Variants in NBPF9 observed in about 807,000 individuals in gnomAD.
NBPF9 encodes NBPF family member NBPF9.
Under a neutral mutation model 97.8 loss-of-function variants are expected in NBPF9, and 91 were observed. That is an observed-to-expected ratio of 0.93 (90% CI 0.79 to 1.11). The LOEUF is 1.11. Ranked by LOEUF, NBPF9 falls within the 50% of genes least tolerant of loss-of-function variation. The pLI, the probability that NBPF9 is intolerant of heterozygous loss-of-function variation, is 0.00. For missense variants in NBPF9, 992 were observed against 939.5 expected, an observed-to-expected ratio of 1.06 and a Z score of -0.73; for synonymous variants, 334 against 359.5, an observed-to-expected ratio of 0.93 and a Z score of 0.80.
chr1:149,077,732 C>T (rs61809879), intron 10 of NBPF9, 151 bp downstream of exon 10: 5 of 922,072 alleles, frequency 5.4e-6, no homozygotes, highest in East Asian at 4.9e-5. Context: ...ACGACAGCTG[C>T]CGCACCCTGT....
chr1:149,080,604 C>T (rs1160154251), intron 7 of NBPF9, among the ~76,000 whole-genome samples: 1 of 150,900 alleles, frequency 6.6e-6, no homozygotes, highest in Non-Finnish European at 1.5e-5. Context: ...ATGTCAAGGA[C>T]TTTAAAAATA....
At chr1:149,076,024 G>A (rs2079836327) in intron 11 of NBPF9, among the ~76,000 whole-genome samples, 160 bp from the exon 12 acceptor site, 1 of 151,944 alleles carries the variant, frequency 6.6e-6, no homozygotes, top group Non-Finnish European at 1.5e-5. Flanking sequence ...TCTCCTTTAA[G>A]TCAACTTGTC....
Position 149,072,933 on chromosome 1 carries a change from C to T in NBPF9, c.1092-1G>A. ...AGCGTGAACCAGGACTTTATATTGC[C>T]TAAGGTGAGATGGTAGAGAAAAATT... On this transcript the variant is annotated splice_acceptor_variant, in intron 13 of 29. Transcript: ENST00000584027. LOFTEE classifies it high-confidence loss of function. 6.2e-7 allele frequency: 1 copy of T among 1,606,748 alleles called. No homozygotes were observed. The highest frequency in any genetic ancestry group is 8.5e-7 in the Non-Finnish European group (1 of 1,175,718).
At chr1:149,077,783 A>T in intron 10 of NBPF9, 100 bp downstream of exon 10, 1 of 1,524,602 alleles carries the variant, frequency 6.6e-7, no homozygotes, top group East Asian at 2.3e-5. Flanking sequence ...GGCCAAGGGG[A>T]TGCGGGCTTT....
chr1:149,102,875 C>T (rs1164124304), intron 1 of NBPF9, 28 bp from the exon 2 acceptor site: 4 of 151,604 alleles, frequency 2.6e-5, no homozygotes, highest in Admixed American at 6.6e-5. Context: ...AGCAGAATCC[C>T]GGAGGCCAAT....
intron 12 of NBPF9, among the ~76,000 whole-genome samples, chr1:149,074,435 C>T (rs201463327): frequency 6.6e-6 from 1 of 151,412 alleles, no homozygotes; most frequent in Non-Finnish European, 1.5e-5. Context: ...TGCCCAAATG[C>T]TAATAAAGTT....
chr1:149,080,584 A>G (rs1305739252), intron 7 of NBPF9, among the ~76,000 whole-genome samples: 5 of 151,356 alleles, frequency 3.3e-5, no homozygotes, highest in African/African-American at 1.2e-4. Context: ...TGGGTATTTC[A>G]AGGACAAATA....
exon 21 of NBPF9, chr1:149,062,908 C>T (rs782800851): frequency 2.1e-5 from 17 of 822,512 alleles, no homozygotes; most frequent in Non-Finnish European, 3.6e-5. Flanking sequence ...TGGTACTTTT[C>T]AATTTCTGCA....
intron 4 of NBPF9, among the ~76,000 whole-genome samples, chr1:149,094,881 C>T (rs1218859378): frequency 6.9e-6 from 1 of 145,228 alleles, no homozygotes; most frequent in Non-Finnish European, 1.5e-5. Context: ...GGGAGGAGCA[C>T]TTAAATGATA....
rs1385019773 is a variant in NBPF9 at position 149,079,118 on chromosome 1, G to A, written c.382C>T (p.Gln128Ter). The A allele has an allele frequency of 4.7e-6, 6 of 1,267,624 alleles. No individual in the cohort carries two copies. The highest frequency in any genetic ancestry group is 4.6e-6 in the Non-Finnish European group (4 of 872,000). The allele number at this position is 1,267,624 out of a possible 1,614,324, so 78.5% of individuals were successfully genotyped here. ...GGCTCATCCGGAGTGAGGAGGGCCT[G>A]GAGATGCTCATTCAATGAGCGGGAG... The change falls in exon 9 of 30, where the codon CAG (glutamine) becomes TAG (stop). Residue 128 changes from glutamine (Q) to a stop codon, truncating the protein, a stop_gained. Coordinates refer to ENST00000584027, the Ensembl canonical transcript of NBPF9. LOFTEE classifies it high-confidence loss of function.
At chr1:149,054,892 A>C (rs1427324015) in exon 30 of NBPF9, 1 of 150,920 alleles carries the variant, frequency 6.6e-6, no homozygotes, top group East Asian at 2.0e-4. Flanking sequence ...ATTACCTCCT[A>C]TGAAACTCAG....
chr1:149,082,228 A>C lies in NBPF9; in HGVS notation c.-36+44T>G, dbSNP rs1325475132. 151 of 1,321,106 alleles carry C rather than the reference A, an allele frequency of 1.1e-4. 2 individuals carry two copies. The Middle Eastern group carries it at 1.3e-3, about 11-fold the overall frequency. 81.8% of individuals were successfully genotyped at this position (1,321,106 alleles called of 1,614,324 possible). A position where few individuals can be genotyped will look rare whatever the true frequency, so the allele number is the denominator to read the frequency against. ...GGGTTAAAAACTGGTGAAATCAAAT[A>C]GGTTTAATCAGGACTGAGGGATGTC... On this transcript the variant is annotated intron_variant, in intron 6 of 29. Transcript: ENST00000584027.
chr1:149,089,822 T>C (rs1338882729), intron 5 of NBPF9, among the ~76,000 whole-genome samples: 1 of 152,290 alleles, frequency 6.6e-6, no homozygotes, highest in Non-Finnish European at 1.5e-5. Flanking sequence ...TTGGGGCTGG[T>C]ACAGCCTCGC....
intron 10 of NBPF9, among the ~76,000 whole-genome samples, chr1:149,077,627 G>A (rs1190776964): frequency 1.4e-4 from 21 of 152,112 alleles, no homozygotes; most frequent in African/African-American, 4.6e-4. Context: ...AGAGCAGCTG[G>A]TGTTCAGTGC....
rs1383523844 is a variant in NBPF9, at chr1:149,067,600, G to A, written c.1638-1911C>T. 9.4e-4 allele frequency among the ~76,000 whole-genome samples: 142 copies of A among 150,814 alleles called. 2 individuals are homozygous for A. In the East Asian group the frequency reaches 0.028, roughly 29 times the overall value. On this transcript the variant is annotated intron_variant, in intron 17 of 29. Coordinates refer to ENST00000584027, the Ensembl canonical transcript of NBPF9. ...CTTGCAATAGTTTGCTGAGAATGAT[G>A]GTTTCCAGCTTCATCCATGTCCCTA...
chr1:149,074,367 G>A (rs1432742815), intron 12 of NBPF9, among the ~76,000 whole-genome samples: 2 of 151,450 alleles, frequency 1.3e-5, no homozygotes, highest in African/African-American at 4.8e-5. Context: ...ATGATTTTAA[G>A]AATCATATCT....
chr1:149,057,698 CAGAT>C (rs1264506570), intron 27 of NBPF9, among the ~76,000 whole-genome samples, 191 bp from the exon 28 acceptor site: 19 of 35,456 alleles, frequency 5.4e-4, no homozygotes, highest in African/African-American at 6.5e-4. Flanking sequence ...AAGAGAAAGA[CAGAT>C]AGACACACAC....
intron 20 of NBPF9, 149 bp from the exon 21 acceptor site, chr1:149,063,062 T>G (rs1342854761): frequency 1.2e-4 from 67 of 564,618 alleles, no homozygotes; most frequent in African/African-American, 1.1e-3. Context: ...GCCTGAAGGC[T>G]GATCACCATA....
intron 19 of NBPF9, 79 bp downstream of exon 19, chr1:149,064,352 C>T: frequency 1.3e-6 from 1 of 792,296 alleles, no homozygotes; most frequent in Non-Finnish European, 2.1e-6. Flanking sequence ...TCATTATTTT[C>T]AGCATGTACT....
Sources: allele counts gnomAD v4.1 joint callset (sites outside exome capture counted in the v4.1 genomes callset), GRCh38; gene constraint gnomAD v4.1.1; transcripts MANE v1.5; gene names NCBI Gene and HGNC (gene_info 2026-07-23, HGNC 2026-07-21).